FRK: variants seen among roughly 807,000 people sequenced by gnomAD.
FRK encodes the protein fyn related Src family tyrosine kinase.
In FRK, 51 loss-of-function variants were observed where a neutral mutation model predicts 56.4. That is an observed-to-expected ratio of 0.90 (90% confidence interval 0.72 to 1.14). The LOEUF (loss-of-function observed/expected upper bound fraction) is 1.14. Ranked by LOEUF, FRK falls within the 50% of genes most tolerant of loss-of-function variation. FRK has a pLI of 0.00. For missense variants in FRK, 570 were observed against 601.4 expected (o/e 0.95, Z 0.55); for synonymous variants, 245 against 217.9 (o/e 1.12, Z -1.10).
intron 2 of FRK, among the ~76,000 whole-genome samples, chr6:115,982,787 A>T (rs543292): frequency 0.99 from 150,143 of 152,264 alleles, 74,062 homozygotes; most frequent in East Asian, 1. Flanking sequence ...TAAAAGCTAT[A>T]GAGGCTTGGT....
chr6:115,984,520 A>G (rs1383525484), intron 2 of FRK, among the ~76,000 whole-genome samples: 1 of 152,050 alleles, frequency 6.6e-6, no homozygotes, highest in African/African-American at 2.4e-5. Flanking sequence ...GTGCTCTGCA[A>G]CCTATTGGCT....
chr6:115,948,554 G>A (rs1227494287), intron 5 of FRK, among the ~76,000 whole-genome samples: 1 of 152,086 alleles, frequency 6.6e-6, no homozygotes, highest in Non-Finnish European at 1.5e-5. Flanking sequence ...ATCTTCCTCT[G>A]CCCACCCTCA....
At chr6:116,048,975 CTTT>C (rs71012323) in intron 1 of FRK, among the ~76,000 whole-genome samples, 46,215 of 147,528 alleles carry the variant, frequency 0.31, 7,571 homozygotes, top group Middle Eastern at 0.45. Flanking sequence ...CCCTGCACTT[CTTT>C]TTTTTTTTTA....
the FRK span, among the ~76,000 whole-genome samples, chr6:116,078,636 T>C: frequency 2.6e-5 from 4 of 152,158 alleles, no homozygotes; most frequent in Admixed American, 2.6e-4. Flanking sequence ...CTTAAACATA[T>C]AGCTTAACAA....
chr6:115,948,298 G>A (rs1222571604), intron 5 of FRK, among the ~76,000 whole-genome samples: 2 of 152,172 alleles, frequency 1.3e-5, no homozygotes, highest in Non-Finnish European at 2.9e-5. Context: ...AGTCAAATGA[G>A]TGAGTTTAAA....
rs1385101090 is a variant in FRK at position 116,020,323 on chromosome 6, G to A, written c.345-16325C>T. 4.7e-5 allele frequency among the ~76,000 whole-genome samples: 7 copies of A among 148,808 alleles called. No homozygotes were observed. The South Asian group carries it at 1.5e-3, about 32-fold the overall frequency. On this transcript the variant is annotated intron_variant, in intron 1 of 7. Transcript: ENST00000606080. The stretch of plus-strand genomic sequence containing the variant: ...GTTTTTTGTTTTTTTTTGGAGTTTT[G>A]CTCGGACGCCCAGGCTTGAGTGCAA...
chr6:116,076,493 A>AT, the FRK span, among the ~76,000 whole-genome samples: 1 of 152,158 alleles, frequency 6.6e-6, no homozygotes, highest in Non-Finnish European at 1.5e-5. Flanking sequence ...AGAAATTATT[A>AT]TTTTTTTCAT....
chr6:115,946,380 C>G (rs954243822), intron 5 of FRK, among the ~76,000 whole-genome samples: 1 of 152,062 alleles, frequency 6.6e-6, no homozygotes, highest in Non-Finnish European at 1.5e-5. Context: ...TTATGGTATT[C>G]GTTGTTAAAA....
At chr6:116,032,221 T>C (rs1413032290) in intron 1 of FRK, among the ~76,000 whole-genome samples, 2 of 152,078 alleles carry the variant, frequency 1.3e-5, no homozygotes, top group Non-Finnish European at 2.9e-5. Flanking sequence ...ATAGGCAATA[T>C]TATAGAAATA....
upstream of FRK, among the ~76,000 whole-genome samples, chr6:116,065,232 C>T (rs537904285): frequency 1.2e-4 from 18 of 152,274 alleles, no homozygotes; most frequent in Admixed American, 2.0e-4. Flanking sequence ...TATACCAGGA[C>T]GAATTAATGA....
intron 1 of FRK, among the ~76,000 whole-genome samples, chr6:116,006,223 T>C (rs1011530199): frequency 6.6e-6 from 1 of 152,182 alleles, no homozygotes; most frequent in East Asian, 1.9e-4. Flanking sequence ...GATGCCTGGA[T>C]ATAATTGGGC....
At position 115,939,192 on chromosome 6, in the gene FRK, T is replaced by G. The variant is rs1772108438; in HGVS notation, c.*3222A>C. ...ACAAGGCTGGTTCAACATACGCAAATCAATAAACACAATCCATCACATAAA... is the reference window on the plus strand; with the variant it reads ...ACAAGGCTGGTTCAACATACGCAAAGCAATAAACACAATCCATCACATAAA... On this transcript the variant is annotated 3_prime_UTR_variant, in exon 8 of 8. Transcript: ENST00000606080. 1 of 151,986 alleles carries G rather than the reference T, an allele frequency of 6.6e-6. No homozygotes were observed. 9.4% of individuals were successfully genotyped at this position (151,986 alleles called of 1,614,324 possible).
intron 2 of FRK, among the ~76,000 whole-genome samples, chr6:115,997,741 G>A (rs1359135042): frequency 6.6e-6 from 1 of 152,004 alleles, no homozygotes; most frequent in Non-Finnish European, 1.5e-5. Flanking sequence ...CTCTGTCCTG[G>A]TTCAAGCTCT....
At chr6:116,040,899 G>A (rs1281123307) in intron 1 of FRK, among the ~76,000 whole-genome samples, 1 of 151,922 alleles carries the variant, frequency 6.6e-6, no homozygotes, top group African/African-American at 2.4e-5. Context: ...AGATAAAATT[G>A]ATAAACTAGA....
chr6:116,005,414 G>T (rs981409301), intron 1 of FRK, among the ~76,000 whole-genome samples: 4 of 152,184 alleles, frequency 2.6e-5, no homozygotes, highest in African/African-American at 9.7e-5. Flanking sequence ...ATTGGAAAAT[G>T]TGGCGAATCG....
chr6:116,068,776 T>C, the FRK span, among the ~76,000 whole-genome samples: 1 of 152,080 alleles, frequency 6.6e-6, no homozygotes, highest in Non-Finnish European at 1.5e-5. Flanking sequence ...CTATAGCTAC[T>C]CAGTGAATTT....
At chr6:116,096,667 A>G in the FRK span, among the ~76,000 whole-genome samples, 12 of 151,666 alleles carry the variant, frequency 7.9e-5, no homozygotes, top group Non-Finnish European at 1.5e-4. Context: ...AGCACTCTAT[A>G]AAATGGACCA....
Position 115,968,700 on chromosome 6 carries a change from CT to C in FRK, c.505del (p.Arg169AspfsTer18). ...GAGAAAAAATCCCCCTTCATCCAGT[CT>C]TTTAATTCTGTAGTGTTTTACAACT... ...GAVVKHYRIK[R>X]LDEGGFFLTR... On this transcript the variant is annotated frameshift_variant, in exon 3 of 8. Coordinates refer to ENST00000606080, the MANE Select transcript of FRK (RefSeq NM_002031.3). LOFTEE classifies it high-confidence loss of function. The C allele has an allele frequency of 1.2e-6, 2 of 1,613,828 alleles. No individual in the cohort carries two copies. The highest frequency in any genetic ancestry group is 2.2e-5 in the South Asian group (2 of 91,058).
chr6:116,064,816 G>A (rs1403582788), upstream of FRK, among the ~76,000 whole-genome samples: 1 of 152,098 alleles, frequency 6.6e-6, no homozygotes, highest in African/African-American at 2.4e-5. Flanking sequence ...CAAGGCTAAG[G>A]AATTTGTACT....
Sources: gnomAD v4.1 joint callset for allele counts (sites outside exome capture counted in the v4.1 genomes callset) on GRCh38, gnomAD v4.1.1 for gene constraint, MANE v1.5 for transcripts, NCBI Gene and HGNC (gene_info 2026-07-23, HGNC 2026-07-21) for gene names.